SLC16A12: variants seen among roughly 807,000 people sequenced by gnomAD.
The protein encoded by SLC16A12 is monocarboxylate transporter 12.
A neutral mutation model predicts 42.4 loss-of-function variants in SLC16A12; 17 were observed. That is an observed-to-expected ratio of 0.40 (90% CI 0.27 to 0.60). The LOEUF (loss-of-function observed/expected upper bound fraction) is 0.60, where lower values mean the gene tolerates loss of function less well. SLC16A12 is among the 20% of genes least tolerant of loss of function. The pLI is 0.42. For synonymous variants in SLC16A12, 224 were observed against 229.4 expected, an observed-to-expected ratio of 0.98 and a Z score of 0.21; for missense variants, 544 against 623.0, an observed-to-expected ratio of 0.87 and a Z score of 1.35.
chr10:89,544,266 T>C (rs1004650975), intron 2 of SLC16A12, among the ~76,000 whole-genome samples: 1 of 152,176 alleles, frequency 6.6e-6, no homozygotes, highest in Non-Finnish European at 1.5e-5. Context: ...GAGAATATAT[T>C]TGGAGTAGAA....
chr10:89,511,083 G>C (rs1429306723), intron 2 of SLC16A12, among the ~76,000 whole-genome samples: 1 of 151,900 alleles, frequency 6.6e-6, no homozygotes, highest in Non-Finnish European at 1.5e-5. Flanking sequence ...GGAAACAACA[G>C]ATGCTGGAGA....
intron 2 of SLC16A12, among the ~76,000 whole-genome samples, chr10:89,526,986 G>A (rs1198395289): frequency 6.6e-6 from 1 of 152,122 alleles, no homozygotes; most frequent in Non-Finnish European, 1.5e-5. Context: ...AGCTCCAGAG[G>A]TGCTCCCTGA....
At chr10:89,555,572 T>TATAC (rs1564607499) in intron 2 of SLC16A12, among the ~76,000 whole-genome samples, 14 of 136,412 alleles carry the variant, frequency 1.0e-4, no homozygotes, top group African/African-American at 3.1e-4. Flanking sequence ...TATACGTATA[T>TATAC]GTATATGTAT....
intron 3 of SLC16A12, among the ~76,000 whole-genome samples, chr10:89,445,357 G>A (rs1402419843): frequency 6.6e-6 from 1 of 152,194 alleles, no homozygotes; most frequent in Admixed American, 6.5e-5. Flanking sequence ...ATACAGCCAG[G>A]TGCCCCTCTC....
chr10:89,512,675 C>T (rs184392025), intron 2 of SLC16A12, among the ~76,000 whole-genome samples: 1 of 152,216 alleles, frequency 6.6e-6, no homozygotes, highest in Non-Finnish European at 1.5e-5. Context: ...GGACCTTGCC[C>T]TACGTACCTC....
At chr10:89,448,130 C>G (rs1343406097) in intron 3 of SLC16A12, among the ~76,000 whole-genome samples, 1 of 151,994 alleles carries the variant, frequency 6.6e-6, no homozygotes, top group Non-Finnish European at 1.5e-5. Flanking sequence ...GCCTACCAAC[C>G]AAAAAAAGTC....
intron 2 of SLC16A12, among the ~76,000 whole-genome samples, chr10:89,504,511 T>C (rs1359030972): frequency 6.6e-6 from 1 of 152,196 alleles, no homozygotes; most frequent in Non-Finnish European, 1.5e-5. Context: ...ACTGGCTCCA[T>C]GAATAGATTT....
chr10:89,506,682 C>T (rs898746674), intron 2 of SLC16A12, among the ~76,000 whole-genome samples: 1 of 152,152 alleles, frequency 6.6e-6, no homozygotes, highest in Non-Finnish European at 1.5e-5. Flanking sequence ...CAAAGGATCA[C>T]AACTCCTCAT....
chr10:89,515,323 G>A (rs1296427156), intron 2 of SLC16A12, among the ~76,000 whole-genome samples: 1 of 152,054 alleles, frequency 6.6e-6, no homozygotes, highest in Non-Finnish European at 1.5e-5. Flanking sequence ...GAATTAATGC[G>A]CTCCTAGGTT....
intron 2 of SLC16A12, among the ~76,000 whole-genome samples, chr10:89,489,416 T>C (rs1842813627): frequency 1.3e-5 from 2 of 152,270 alleles, no homozygotes; most frequent in South Asian, 2.1e-4. Flanking sequence ...CTAGGCTCAC[T>C]GCAACCTCTG....
intron 2 of SLC16A12, among the ~76,000 whole-genome samples, chr10:89,494,078 A>G (rs561528247): frequency 9.8e-5 from 15 of 152,366 alleles, no homozygotes; most frequent in Admixed American, 2.0e-4. Flanking sequence ...TTGAAGAACT[A>G]TAATACAGTA....
At chr10:89,475,596 C>T (rs1378420904) in intron 2 of SLC16A12, among the ~76,000 whole-genome samples, 1 of 152,196 alleles carries the variant, frequency 6.6e-6, no homozygotes, top group Non-Finnish European at 1.5e-5. Context: ...CTTTCTGCTT[C>T]TCTCTGCTTA....
At chr10:89,489,019 A>G (rs1263136572) in intron 2 of SLC16A12, among the ~76,000 whole-genome samples, 1 of 152,154 alleles carries the variant, frequency 6.6e-6, no homozygotes, top group African/African-American at 2.4e-5. Context: ...TGTACATTTT[A>G]CTTTTAAGTA....
rs748980527 is a variant in SLC16A12, at chr10:89,439,052, C to CCA, written c.578_579dup (p.Val194TrpfsTer23). 6.2e-7 allele frequency: 1 copy of CCA among 1,613,674 alleles called. No homozygotes were observed. On this transcript the variant is annotated frameshift_variant, in exon 6 of 8. Coordinates refer to ENST00000371790, the MANE Select transcript of SLC16A12 (RefSeq NM_213606.4). LOFTEE classifies it high-confidence loss of function. ...GAAAACTGTTCAATAAGGAGCTGAA[C>CCA]CACAGGAGCCAGGATGAAGGTGCCA...
chr10:89,525,424 A>G (rs780032001), intron 2 of SLC16A12, among the ~76,000 whole-genome samples: 3 of 152,166 alleles, frequency 2.0e-5, no homozygotes, highest in Admixed American at 2.0e-4. Context: ...TAATAAAATC[A>G]GAATATATGG....
intron 4 of SLC16A12, among the ~76,000 whole-genome samples, chr10:89,441,824 G>T (rs927875728): frequency 6.6e-6 from 1 of 152,144 alleles, no homozygotes; most frequent in Non-Finnish European, 1.5e-5. Context: ...ATTCTGGTTG[G>T]TCTCACTTGG....
In SLC16A12 at chr10:89,491,467, A is replaced by G. The variant is rs74843507; in HGVS notation, c.-46-28843T>C. Among the ~76,000 whole-genome samples the G allele has an allele frequency of 6.7e-3, 1,019 of 152,208 alleles. 54 individuals are homozygous for G. The East Asian group carries it at 0.15, about 22-fold the overall frequency. On this transcript the variant is annotated intron_variant, in intron 2 of 7. Coordinates refer to ENST00000371790, the MANE Select transcript of SLC16A12 (RefSeq NM_213606.4). The stretch of plus-strand genomic sequence containing the variant: ...CGCATACCAAGTAAGATTGTGCCCT[A>G]TTTTCCTAATCTCTTCTCCCACTGA...
intron 2 of SLC16A12, among the ~76,000 whole-genome samples, chr10:89,486,948 G>A (rs1373668155): frequency 6.6e-6 from 1 of 152,136 alleles, no homozygotes; most frequent in Non-Finnish European, 1.5e-5. Context: ...TGTGTGGGCT[G>A]GTACCAAATC....
intron 2 of SLC16A12, among the ~76,000 whole-genome samples, chr10:89,502,179 G>A (rs759495238): frequency 4.6e-5 from 7 of 152,000 alleles, no homozygotes; most frequent in South Asian, 2.1e-4. Flanking sequence ...GGCCGGGTGC[G>A]GTGGCTCACA....
Sources: gnomAD v4.1 joint callset for allele counts (sites outside exome capture counted in the v4.1 genomes callset) on GRCh38, gnomAD v4.1.1 for gene constraint, MANE v1.5 for transcripts, NCBI Gene and HGNC (gene_info 2026-07-23, HGNC 2026-07-21) for gene names.